Variants in SCN7A observed in about 807,000 individuals in gnomAD.
SCN7A encodes sodium voltage-gated channel alpha subunit 7, also known as sodium channel protein type 7 subunit alpha.
Under a neutral mutation model 155.2 loss-of-function variants are expected in SCN7A, and 138 were observed. The observed-to-expected ratio is 0.89, with a 90% CI of 0.77 to 1.02. SCN7A has a LOEUF of 1.02. Ranked by LOEUF, SCN7A falls within the 50% of genes least tolerant of loss-of-function variation. The pLI, the probability that SCN7A is intolerant of heterozygous loss-of-function variation, is 0.00. For synonymous variants in SCN7A, 693 were observed against 649.0 expected, an observed-to-expected ratio of 1.07 and a Z score of -1.03; for missense variants, 2,058 against 1,986.6, an observed-to-expected ratio of 1.04 and a Z score of -0.68.
intron 21 of SCN7A, 79 bp downstream of exon 21, chr2:166,416,628 C>A: frequency 8.2e-7 from 1 of 1,220,318 alleles, no homozygotes; most frequent in Non-Finnish European, 1.1e-6. Flanking sequence ...GTATTAATCG[C>A]CCACATTTTG....
Position 166,473,895 on chromosome 2 carries a change from T to G in SCN7A, c.354-7A>C. The stretch of plus-strand genomic sequence containing the variant: ...AATAAACAGTTGGAAAAAGGTAGCT[T>G]ATAGTCAAGGAATAATAGTTAATAA... On this transcript the variant is annotated splice_polypyrimidine_tract_variant and splice_region_variant and intron_variant, in intron 4 of 25. Coordinates refer to ENST00000643258, the MANE Select transcript of SCN7A (RefSeq NM_002976.4). 1 of 1,465,224 alleles carries G rather than the reference T, an allele frequency of 6.8e-7. No homozygotes were observed. Among genetic ancestry groups the G allele is most frequent in the Middle Eastern group, 1.8e-4 (1 of 5,664 alleles). 90.8% of individuals were successfully genotyped at this position (1,465,224 alleles called of 1,614,324 possible). A position where few individuals can be genotyped will look rare whatever the true frequency, so the allele number is the denominator to read the frequency against.
At chr2:166,463,945 A>T (rs1198233206) in intron 9 of SCN7A, among the ~76,000 whole-genome samples, 2 of 152,002 alleles carry the variant, frequency 1.3e-5, no homozygotes, top group African/African-American at 2.4e-5. Flanking sequence ...AATCCCAGCT[A>T]CTTGAGAGGC....
chr2:166,441,087 A>G (rs1701949386), intron 15 of SCN7A: 2 of 398,550 alleles, frequency 5.0e-6, no homozygotes, highest in East Asian at 7.3e-5. Context: ...AACCACATAC[A>G]GTGCAACTGA....
At chr2:166,435,438 ATAGT>A (rs1183847360) in intron 15 of SCN7A, among the ~76,000 whole-genome samples, 1 of 152,098 alleles carries the variant, frequency 6.6e-6, no homozygotes, top group African/African-American at 2.4e-5. Flanking sequence ...AAAAGGTGAA[ATAGT>A]GTGTATAAAA....
At chr2:166,437,497 C>G (rs551252764) in intron 15 of SCN7A, among the ~76,000 whole-genome samples, 1 of 152,306 alleles carries the variant, frequency 6.6e-6, no homozygotes, top group Non-Finnish European at 1.5e-5. Context: ...CACACAGAGT[C>G]CCCACTGGGG....
At chr2:166,478,861 T>C (rs1035687963) in intron 2 of SCN7A, among the ~76,000 whole-genome samples, 4 of 151,998 alleles carry the variant, frequency 2.6e-5, no homozygotes, top group Non-Finnish European at 4.4e-5. Context: ...TCATTAAATA[T>C]AATTTCATGC....
intron 9 of SCN7A, 84 bp from the exon 10 acceptor site, chr2:166,462,614 T>TA: frequency 7.6e-7 from 1 of 1,322,610 alleles, no homozygotes; most frequent in Admixed American, 2.2e-5. Flanking sequence ...ACATCAGTCC[T>TA]GAGTAATAGA....
intron 15 of SCN7A, chr2:166,440,484 G>C (rs894522464): frequency 6.6e-6 from 1 of 152,072 alleles, no homozygotes; most frequent in Non-Finnish European, 1.5e-5. Context: ...TGAGTAACAA[G>C]GTTAGAAGCT....
chr2:166,451,993 ACAC>A (rs1199457373), intron 11 of SCN7A, among the ~76,000 whole-genome samples: 1 of 152,126 alleles, frequency 6.6e-6, no homozygotes, highest in Non-Finnish European at 1.5e-5. Context: ...ATAAATCACA[ACAC>A]CATTATCACA....
Position 166,465,490 on chromosome 2 carries a change from G to C in SCN7A, c.913C>G (p.Leu305Val). The change falls in exon 9 of 26, where the codon CTC becomes GTC. Residue 305 changes from leucine (L) to valine (V), a missense_variant. Physicochemically the swap from Leu to Val is conservative, Grantham distance 32. Transcript: ENST00000643258. ...FYYLEGERYA[L>V]LCGNRTDAGQ... is the part of the protein sequence containing the mutation. The stretch of plus-strand genomic sequence containing the variant: ...GCATCTGTCCTGTTGCCACAAAGGA[G>C]AGCATATCTTTCTCCTTCCAAATAA... The C allele has an allele frequency of 6.2e-7, 1 of 1,609,934 alleles. No individual in the cohort carries two copies. The highest frequency in any genetic ancestry group is 8.5e-7 in the Non-Finnish European group (1 of 1,177,756).
At position 166,430,422 on chromosome 2, in the gene SCN7A, A is replaced by C. The variant is rs944272407; in HGVS notation, c.2593-1148T>G. On this transcript the variant is annotated intron_variant, in intron 16 of 25. Transcript: ENST00000643258. ...TTTCTAATGAAATAAAATCTGTAGC[A>C]ATATATTTATTTGAGACTAGGCATT... Among the ~76,000 whole-genome samples the C allele has an allele frequency of 2.0e-5, 3 of 152,016 alleles. No individual in the cohort carries two copies. In the East Asian group the frequency reaches 5.8e-4, roughly 29 times the overall value.
In SCN7A at chr2:166,405,711, G is replaced by C. The variant is rs774816730; in HGVS notation, c.4918C>G (p.Arg1640Gly). The C allele has an allele frequency of 3.1e-6, 5 of 1,612,774 alleles. No homozygotes were observed. The highest frequency in any genetic ancestry group is 4.2e-6 in the Non-Finnish European group (5 of 1,179,288). ...GTATTTTTGTCATTTCGCCTCAAGCGGTAATTTTTATAAGCACGTTGAATG... is the reference window on the plus strand; with the variant it reads ...GTATTTTTGTCATTTCGCCTCAAGCCGTAATTTTTATAAGCACGTTGAATG... ...TIIQRAYKNY[R>G]LRRNDKNTSD... The change falls in exon 26 of 26, where the codon CGC (arginine) becomes GGC (glycine). Residue 1640 changes from arginine to glycine, a missense_variant. Coordinates refer to ENST00000643258, the MANE Select transcript of SCN7A (RefSeq NM_002976.4).
rs576117153 is a variant in SCN7A, at chr2:166,478,299, T to C, written c.-14-589A>G. 1.7e-3 allele frequency among the ~76,000 whole-genome samples: 256 copies of C among 149,462 alleles called. 1 individual carries two copies. The highest frequency in any genetic ancestry group is 5.8e-3 in the African/African-American group (237 of 41,080). Reference sequence around the variant, plus strand: ...GTATACCCTAGAACTTAAAGTATAATAAAAAATATATATAATATATATAAA... The same window carrying C: ...GTATACCCTAGAACTTAAAGTATAACAAAAAATATATATAATATATATAAA... On this transcript the variant is annotated intron_variant, in intron 2 of 25. Transcript: ENST00000643258.
At position 166,444,867 on chromosome 2, in the gene SCN7A, A is replaced by T. The variant is rs1358377406; in HGVS notation, c.1521T>A (p.Thr507=). 6.2e-7 allele frequency: 1 copy of T among 1,612,460 alleles called. No homozygotes were observed. The highest frequency in any genetic ancestry group is 1.3e-5 in the African/African-American group (1 of 74,928). Residue 507 remains threonine (T), a synonymous_variant, in exon 13 of 26, where the codon ACT becomes ACA. Coordinates refer to ENST00000643258, the MANE Select transcript of SCN7A (RefSeq NM_002976.4). ...FVHRIIMAPF[T]DLFLIICIIL... ...TTATGCATATGATAAGGAAAAGATC[A>T]GTAAATGGTGCCATTATAATCCTAT...
In SCN7A at chr2:166,474,229, T is replaced by A. The variant is rs1702727004; in HGVS notation, c.350A>T (p.His117Leu). ...IRRTTIKVLV[H>L]PFFQLFILIS... ...ACAAGTCAACAGAAAAGGATATGGA[T>A]GTACCAAAACCTTGATAGTTGTTCT... The change falls in exon 4 of 26, where the codon CAT (histidine) becomes CTT (leucine). Residue 117 changes from histidine (H) to leucine (L), a missense_variant. Coordinates refer to ENST00000643258, the MANE Select transcript of SCN7A (RefSeq NM_002976.4). The A allele has an allele frequency of 2.1e-6, 3 of 1,435,520 alleles. No homozygotes were observed. The highest frequency in any genetic ancestry group is 2.2e-5 in the Admixed American group (1 of 45,868). 88.9% of individuals were successfully genotyped at this position (1,435,520 alleles called of 1,614,324 possible).
chr2:166,421,829 A>G (rs1701517937), intron 19 of SCN7A, among the ~76,000 whole-genome samples: 1 of 152,142 alleles, frequency 6.6e-6, no homozygotes, highest in South Asian at 2.1e-4. Flanking sequence ...ACCAGATACT[A>G]AGGTAATCTT....
chr2:166,418,551 C>T (rs1701441488), intron 20 of SCN7A, among the ~76,000 whole-genome samples: 1 of 151,830 alleles, frequency 6.6e-6, no homozygotes, highest in Admixed American at 6.6e-5. Context: ...TTACTAGATA[C>T]TAATCCTTTT....
intron 9 of SCN7A, among the ~76,000 whole-genome samples, chr2:166,464,074 C>G (rs1055073269): frequency 6.6e-6 from 1 of 151,632 alleles, no homozygotes; most frequent in African/African-American, 2.4e-5. Context: ...TATACATACA[C>G]ACATACACAT....
intron 19 of SCN7A, among the ~76,000 whole-genome samples, chr2:166,422,621 T>C (rs1396424193): frequency 6.6e-6 from 1 of 152,108 alleles, no homozygotes; most frequent in Non-Finnish European, 1.5e-5. Context: ...TAAATAGACC[T>C]GGACAGGGGG....
Sources: allele counts gnomAD v4.1 joint callset (sites outside exome capture counted in the v4.1 genomes callset), GRCh38; gene constraint gnomAD v4.1.1; transcripts MANE v1.5; gene names NCBI Gene and HGNC (gene_info 2026-07-23, HGNC 2026-07-21).